The following CD82 variants were observed in gnomAD, a reference collection of about 807,000 sequenced individuals.
CD82 encodes the protein CD82 antigen.
CD82 carries 36 observed loss-of-function variants against 37.4 expected under a neutral mutation model. The ratio of observed to expected loss-of-function variants is 0.96; its 90% confidence interval spans 0.74 to 1.27. CD82 has a LOEUF of 1.27. CD82 is among the 50% of genes most tolerant of loss of function. The pLI, the probability that CD82 is intolerant of heterozygous loss-of-function variation, is 0.00. For synonymous variants in CD82, 158 were observed against 137.4 expected (o/e 1.15, Z -1.05); for missense variants, 340 against 347.0 (o/e 0.98, Z 0.16).
chr11:44,576,391 A>T (rs1381619623), intron 1 of CD82, among the ~76,000 whole-genome samples: 1 of 152,318 alleles, frequency 6.6e-6, no homozygotes, highest in South Asian at 2.1e-4. Context: ...GAGGTAAAAC[A>T]ACTTACCCAA....
intron 4 of CD82, among the ~76,000 whole-genome samples, chr11:44,603,449 C>G (rs536282483): frequency 1.3e-5 from 2 of 152,286 alleles, no homozygotes; most frequent in East Asian, 3.9e-4. Context: ...GGCCTGTATT[C>G]TCCCTGCTGA....
intron 6 of CD82, among the ~76,000 whole-genome samples, chr11:44,611,880 C>T (rs1853486920): frequency 6.6e-6 from 1 of 152,184 alleles, no homozygotes; most frequent in Admixed American, 6.5e-5. Context: ...ACCCAGCTTC[C>T]ATCACCTTCT....
At chr11:44,591,035 A>G (rs1248273223) in intron 2 of CD82, among the ~76,000 whole-genome samples, 5 of 152,238 alleles carry the variant, frequency 3.3e-5, no homozygotes, top group African/African-American at 1.2e-4. Context: ...CAGGGCAGGA[A>G]GACTTTGTCT....
chr11:44,589,324 A>T (rs1323093781), intron 2 of CD82, among the ~76,000 whole-genome samples: 1 of 152,208 alleles, frequency 6.6e-6, no homozygotes, highest in African/African-American at 2.4e-5. Flanking sequence ...GCTCTCTGTG[A>T]CTGTTCTGGA....
chr11:44,599,042 C>G (rs1444902904), intron 3 of CD82, among the ~76,000 whole-genome samples: 3 of 152,230 alleles, frequency 2.0e-5, no homozygotes, highest in African/African-American at 7.2e-5. Flanking sequence ...GATGGTGGAT[C>G]TTGGCTGGGA....
At chr11:44,580,215 A>G (rs1429730431) in intron 1 of CD82, among the ~76,000 whole-genome samples, 1 of 152,124 alleles carries the variant, frequency 6.6e-6, no homozygotes, top group East Asian at 1.9e-4. Flanking sequence ...ACACCGGCCC[A>G]TCTCTCTGTG....
chr11:44,604,815 AAAAT>A, intron 4 of CD82: 1 of 558,824 alleles, frequency 1.8e-6, no homozygotes, highest in South Asian at 2.0e-5. Flanking sequence ...TACGAAGTAA[AAAAT>A]AAAGCCGGGA....
At chr11:44,600,365 G>C in intron 4 of CD82, 135 bp downstream of exon 4, 1 of 790,124 alleles carries the variant, frequency 1.3e-6, no homozygotes. Flanking sequence ...ATGTGGCGAG[G>C]TCCTGCTGCC....
At chr11:44,578,761 C>T (rs1852936731) in intron 1 of CD82, among the ~76,000 whole-genome samples, 1 of 152,198 alleles carries the variant, frequency 6.6e-6, no homozygotes, top group South Asian at 2.1e-4. Context: ...AGGTCCAGGA[C>T]TGGACCAGGG....
chr11:44,582,527 C>T (rs980392943), intron 1 of CD82, among the ~76,000 whole-genome samples: 35 of 152,304 alleles, frequency 2.3e-4, no homozygotes, highest in Admixed American at 1.3e-3. Flanking sequence ...CACTGAGGCT[C>T]AATGCAGGTA....
At position 44,615,361 on chromosome 11, in the gene CD82, C is replaced by T. The variant is rs573753161; in HGVS notation, c.426C>T (p.Tyr142=). The change falls in exon 7 of 10, where the codon TAC becomes TAT. Residue 142 remains tyrosine, a synonymous_variant. Transcript: ENST00000227155. ...ACAGCCTGCAGGATGCCTGGGACTA[C>T]GTGCAGGCTCAGGTGAGGTGGGGCG... ...REDSLQDAWD[Y]VQAQVKCCGW... is the part of the protein sequence containing the mutation. The T allele has an allele frequency of 2.5e-5, 41 of 1,609,026 alleles. No individual in the cohort carries two copies. Among genetic ancestry groups the T allele is most frequent in the East Asian group, 2.2e-4 (10 of 44,862 alleles).
intron 6 of CD82, among the ~76,000 whole-genome samples, chr11:44,609,435 C>T (rs751929310): frequency 1.2e-4 from 19 of 152,004 alleles, no homozygotes; most frequent in Non-Finnish European, 2.2e-4. Context: ...AGTGCTGTCA[C>T]GCTCAAGCAG....
chr11:44,594,997 G>A (rs371700818), intron 3 of CD82: 7 of 491,166 alleles, frequency 1.4e-5, no homozygotes, highest in African/African-American at 5.8e-5. Flanking sequence ...TGGGTATGGG[G>A]AAGGAGAGGA....
At chr11:44,587,258 G>C (rs1180932170) in intron 1 of CD82, 4 of 348,622 alleles carry the variant, frequency 1.1e-5, no homozygotes, top group Non-Finnish European at 2.3e-5. Context: ...TTTTGCAAAG[G>C]CCCTCAGGTA....
rs749321014 is a variant in CD82 at position 44,605,511 on chromosome 11, A to ACC, written c.336+88_336+89dup. On this transcript the variant is annotated intron_variant, in intron 6 of 9. Coordinates refer to ENST00000227155, the MANE Select transcript of CD82 (RefSeq NM_002231.4). ...ACTGAGTGTGGGGGATGGACAAGGA[A>ACC]CCCCCCCAGTTGTCACAGACAGATC... The ACC allele has an allele frequency of 1.7e-5, 22 of 1,300,840 alleles. No individual in the cohort carries two copies. In the Admixed American group the frequency reaches 3.8e-4, roughly 23 times the overall value. The allele number at this position is 1,300,840 out of a possible 1,614,324, so 80.6% of individuals were successfully genotyped here.
rs1590355278 is a variant in CD82, at chr11:44,619,263, T to A, written c.*137T>A. ...CCCATCCTGACTGAAAGTAGGGGGC[T>A]TTCTGGGGCCTAGCGATCTCTCCTG... On this transcript the variant is annotated 3_prime_UTR_variant, in exon 10 of 10. Coordinates refer to ENST00000227155, the MANE Select transcript of CD82 (RefSeq NM_002231.4). 7 of 704,014 alleles carry A rather than the reference T, an allele frequency of 9.9e-6. No individual in the cohort carries two copies. The highest frequency in any genetic ancestry group is 1.7e-5 in the African/African-American group (1 of 57,316). The allele number at this position is 704,014 out of a possible 1,614,324, so 43.6% of individuals were successfully genotyped here. A position where few individuals can be genotyped will look rare whatever the true frequency, so the allele number is the denominator to read the frequency against.
At chr11:44,611,310 C>T (rs1275826827) in intron 6 of CD82, among the ~76,000 whole-genome samples, 1 of 152,244 alleles carries the variant, frequency 6.6e-6, no homozygotes, top group Non-Finnish European at 1.5e-5. Flanking sequence ...TGTCCCTATT[C>T]ACCCTTCAGC....
In CD82 at chr11:44,602,737, C is replaced by T. The variant is rs113349574; in HGVS notation, c.137-2321C>T. Among the ~76,000 whole-genome samples the T allele has an allele frequency of 1.6e-3, 243 of 152,262 alleles. 1 individual carries two copies. The highest frequency in any genetic ancestry group is 5.7e-3 in the African/African-American group (235 of 41,548). ...CCCCAGAGCATACCCTCACCTACTT[C>T]CTAAGTCAGCTTGCTCAGATATGGG... On this transcript the variant is annotated intron_variant, in intron 4 of 9. Coordinates refer to ENST00000227155, the MANE Select transcript of CD82 (RefSeq NM_002231.4).
Position 44,594,647 on chromosome 11 carries a change from C to T in CD82, c.-16C>T. 1 of 1,609,058 alleles carries T rather than the reference C, an allele frequency of 6.2e-7. No individual in the cohort carries two copies. The highest frequency in any genetic ancestry group is 1.1e-5 in the South Asian group (1 of 90,980). On this transcript the variant is annotated 5_prime_UTR_variant, in exon 3 of 10. Coordinates refer to ENST00000227155, the MANE Select transcript of CD82 (RefSeq NM_002231.4). ...TGCCTGCCTTCTCTCTTCCAGGAAG[C>T]TCCAGGACTGGCGGGATGGGCTCAG...
Sources: allele counts gnomAD v4.1 joint callset (sites outside exome capture counted in the v4.1 genomes callset), GRCh38; gene constraint gnomAD v4.1.1; transcripts MANE v1.5; gene names NCBI Gene and HGNC (gene_info 2026-07-23, HGNC 2026-07-21).